The following LARS1 variants were observed in gnomAD, a reference collection of about 807,000 sequenced individuals.
The protein encoded by LARS1 is leucyl-tRNA synthetase 1.
Under a neutral mutation model 162.8 loss-of-function variants are expected in LARS1, and 100 were observed. The observed-to-expected ratio is 0.61, with a 90% confidence interval of 0.52 to 0.73. LARS1 has a LOEUF of 0.73. Among genes scored for constraint, LARS1 ranks in the 30% least tolerant of loss-of-function variants. The pLI, the probability that LARS1 is intolerant of heterozygous loss-of-function variation, is 0.00. For synonymous variants in LARS1, 457 were observed against 462.8 expected (o/e 0.99, Z 0.16); for missense variants, 1,258 against 1,408.9 (o/e 0.89, Z 1.71).
At chr5:146,169,575 T>A (rs1754166951) in intron 4 of LARS1, among the ~76,000 whole-genome samples, 2 of 151,570 alleles carry the variant, frequency 1.3e-5, no homozygotes, top group African/African-American at 4.9e-5. Flanking sequence ...TGAGATGGAA[T>A]TTTACTCTTG....
chr5:146,151,045 G>A (rs1238417785), intron 14 of LARS1, among the ~76,000 whole-genome samples: 3 of 151,338 alleles, frequency 2.0e-5, no homozygotes, highest in Admixed American at 1.3e-4. Context: ...CTAACTATCT[G>A]GCTAATCTCA....
intron 15 of LARS1, among the ~76,000 whole-genome samples, chr5:146,145,158 A>C (rs1752957578): frequency 2.0e-5 from 3 of 151,920 alleles, no homozygotes; most frequent in South Asian, 4.2e-4. Context: ...GCTCACTACA[A>C]CCTCGACCTC....
chr5:146,149,661 T>C lies in LARS1; in HGVS notation c.1464A>G (p.Gln488=). 6.2e-7 allele frequency: 1 copy of C among 1,613,268 alleles called. No homozygotes were observed. The highest frequency in any genetic ancestry group is 8.5e-7 in the Non-Finnish European group (1 of 1,179,300). The part of the protein sequence containing the change: ...LVDGFKGQKV[Q]DVKKTIQKKM... ...TTTTCTGAATAGTCTTCTTTACATCTTGAACCTTCTGTCCTTTAAATCCAT... is the reference window on the plus strand; with the variant it reads ...TTTTCTGAATAGTCTTCTTTACATCCTGAACCTTCTGTCCTTTAAATCCAT... The change falls in exon 15 of 32, where the codon CAA becomes CAG. Residue 488 remains glutamine, a synonymous_variant. Transcript: ENST00000394434.
rs774952963 is a variant in LARS1 at position 146,143,462 on chromosome 5, T to G, written c.1827A>C (p.Leu609=). ...IYMAFYTVAH[L]LQGGNLHGQA... ...GTCCATGCAAGTTACCCCCCTGCAA[T>G]AGGTGTGCAACTGTGTAAAATGCCA... Residue 609 remains leucine, a synonymous_variant, in exon 19 of 32, where the codon CTA becomes CTC. Coordinates refer to ENST00000394434, the MANE Select transcript of LARS1 (RefSeq NM_020117.11). The G allele has an allele frequency of 5.6e-6, 9 of 1,613,852 alleles. No homozygotes were observed. The highest frequency in any genetic ancestry group is 6.8e-6 in the Non-Finnish European group (8 of 1,179,788).
Position 146,175,883 on chromosome 5 carries a change from T to C in LARS1, c.125+1664A>G, listed in dbSNP as rs529719489. Among the ~76,000 whole-genome samples the C allele has an allele frequency of 2.6e-5, 4 of 150,990 alleles. No individual in the cohort carries two copies. In the South Asian group the frequency reaches 8.4e-4, roughly 32 times the overall value. Reference sequence around the variant, plus strand: ...AAAGGTAAAATGAGGCCAGGAGTGATGGCTCATGTCTTATAATCTTAAGAG... The same window carrying C: ...AAAGGTAAAATGAGGCCAGGAGTGACGGCTCATGTCTTATAATCTTAAGAG... On this transcript the variant is annotated intron_variant, in intron 2 of 31. Coordinates refer to ENST00000394434, the MANE Select transcript of LARS1 (RefSeq NM_020117.11).
intron 31 of LARS1, among the ~76,000 whole-genome samples, chr5:146,118,481 T>C (rs954485664): frequency 2.0e-5 from 3 of 152,196 alleles, no homozygotes; most frequent in Non-Finnish European, 4.4e-5. Flanking sequence ...TAATAATATA[T>C]GGTACATTTC....
At chr5:146,126,780 G>A (rs1267000659) in intron 27 of LARS1, among the ~76,000 whole-genome samples, 1 of 152,056 alleles carries the variant, frequency 6.6e-6, no homozygotes, top group African/African-American at 2.4e-5. Flanking sequence ...AGAAAAAGAA[G>A]TGATTTGTGT....
Position 146,159,465 on chromosome 5 carries a change from G to T in LARS1, c.713C>A (p.Thr238Lys), listed in dbSNP as rs1291021306. 6.2e-7 allele frequency: 1 copy of T among 1,607,160 alleles called. No homozygotes were observed. ...CTGTCCATCTTTCGGAGAGTAAATT[G>T]TATACCTAAAAAATAAACAAAAAGT... ...RNKIKFGKRY[T>K]IYSPKDGQPC... The change falls in exon 8 of 32, where the codon ACA becomes AAA. Residue 238 changes from threonine (T) to lysine (K), a missense_variant. By Grantham distance (78) the Thr-to-Lys change is moderately conservative. Transcript: ENST00000394434.
chr5:146,114,138 T>A lies in LARS1; in HGVS notation c.3499A>T (p.Ile1167Phe). Residue 1167 changes from isoleucine (I) to phenylalanine (F), a missense_variant, in exon 32 of 32, where the codon ATT (isoleucine) becomes TTT (phenylalanine). By Grantham distance (21) the Ile-to-Phe change is conservative. Coordinates refer to ENST00000394434, the MANE Select transcript of LARS1 (RefSeq NM_020117.11). The stretch of plus-strand genomic sequence containing the variant: ...ACCAGATAGATTATTGTATCGCCAA[T>A]ATCCACCCTTATCCCATTCTCAGTC... ...HLTENGIRVDIGDTIIYLVH is the reference protein window; with the variant it reads ...HLTENGIRVDFGDTIIYLVH 1 of 1,613,792 alleles carries A rather than the reference T, an allele frequency of 6.2e-7. No homozygotes were observed. Among genetic ancestry groups the A allele is most frequent in the Non-Finnish European group, 8.5e-7 (1 of 1,179,922 alleles).
intron 28 of LARS1, among the ~76,000 whole-genome samples, chr5:146,125,145 A>G (rs1170989116): frequency 1.3e-5 from 2 of 152,036 alleles, no homozygotes; most frequent in Non-Finnish European, 2.9e-5. Context: ...ATTTTGTTGG[A>G]TCCACATGTT....
chr5:146,176,585 G>A (rs1349237985), intron 2 of LARS1, among the ~76,000 whole-genome samples: 6 of 152,002 alleles, frequency 3.9e-5, no homozygotes, highest in Admixed American at 6.6e-5. Flanking sequence ...TACTATAACC[G>A]TATTTCTTCA....
chr5:146,176,448 CAAAAAA>C (rs34896615), intron 2 of LARS1, among the ~76,000 whole-genome samples: 1 of 76,994 alleles, frequency 1.3e-5, no homozygotes, highest in Non-Finnish European at 2.4e-5. Context: ...AAGACTGTCT[CAAAAAA>C]AAAAAAAAAA....
At chr5:146,176,436 G>A (rs1376115400) in intron 2 of LARS1, among the ~76,000 whole-genome samples, 1 of 131,322 alleles carries the variant, frequency 7.6e-6, no homozygotes, top group African/African-American at 2.9e-5. Flanking sequence ...TGATGACAGA[G>A]CAAGACTGTC....
At chr5:146,164,533 C>A (rs1753916426) in intron 5 of LARS1, 62 bp from the exon 6 acceptor site, 2 of 1,477,254 alleles carry the variant, frequency 1.4e-6, no homozygotes, top group South Asian at 1.2e-5. Flanking sequence ...GGAAAATGAC[C>A]CAAGATATTA....
At chr5:146,124,630 T>C (rs1339957172) in intron 28 of LARS1, among the ~76,000 whole-genome samples, 1 of 151,826 alleles carries the variant, frequency 6.6e-6, no homozygotes, top group Non-Finnish European at 1.5e-5. Context: ...AAAAAATAAT[T>C]TCTTATTCTT....
chr5:146,117,514 G>A (rs548252154), intron 31 of LARS1, among the ~76,000 whole-genome samples: 1 of 152,314 alleles, frequency 6.6e-6, no homozygotes, highest in South Asian at 2.1e-4. Context: ...GTAGGCTGAG[G>A]CATGAGAATT....
At chr5:146,177,505 TATAG>T (rs747384748) in intron 2 of LARS1, 38 bp downstream of exon 2, 12 of 346,188 alleles carry the variant, frequency 3.5e-5, no homozygotes, top group Non-Finnish European at 5.2e-5. Context: ...TATATATATA[TATAG>T]AAATACAATG....
intron 14 of LARS1, 77 bp downstream of exon 14, chr5:146,151,785 T>G: frequency 7.6e-7 from 1 of 1,313,380 alleles, no homozygotes; most frequent in Non-Finnish European, 1.1e-6. Context: ...TGTTAAATTT[T>G]TCTACATTTT....
chr5:146,164,843 C>T (rs1049178523), intron 5 of LARS1, among the ~76,000 whole-genome samples: 5 of 152,170 alleles, frequency 3.3e-5, no homozygotes, highest in Admixed American at 3.3e-4. Flanking sequence ...ATAAGACTTT[C>T]CTCCTTTTCC....
Sources: allele counts gnomAD v4.1 joint callset (sites outside exome capture counted in the v4.1 genomes callset), GRCh38; gene constraint gnomAD v4.1.1; transcripts MANE v1.5; gene names NCBI Gene and HGNC (gene_info 2026-07-23, HGNC 2026-07-21).